Variants in ARFGAP2 observed in about 807,000 individuals in gnomAD.
ARFGAP2 encodes ADP-ribosylation factor GTPase-activating protein 2.
ARFGAP2 carries 45 observed loss-of-function variants against 71.9 expected under a neutral mutation model. The observed-to-expected ratio is 0.63, with a 90% CI of 0.49 to 0.80. The LOEUF (loss-of-function observed/expected upper bound fraction) is 0.80. ARFGAP2 is among the 30% of genes least tolerant of loss of function. The pLI, the probability that ARFGAP2 is intolerant of heterozygous loss-of-function variation, is 0.00. For synonymous variants in ARFGAP2, 248 were observed against 249.2 expected (o/e 1.00, Z 0.05); for missense variants, 633 against 673.9 (o/e 0.94, Z 0.67).
At chr11:47,171,391 G>C (rs770336255) in intron 10 of ARFGAP2, 35 bp downstream of exon 10, 2 of 1,610,794 alleles carry the variant, frequency 1.2e-6, no homozygotes, top group Non-Finnish European at 8.5e-7. Flanking sequence ...AGAAAACAAC[G>C]GCATTTCCCT....
Position 47,165,479 on chromosome 11 carries a change from G to C in ARFGAP2, c.*3C>G. On this transcript the variant is annotated 3_prime_UTR_variant, in exon 16 of 16. Coordinates refer to ENST00000524782, the MANE Select transcript of ARFGAP2 (RefSeq NM_032389.6). The stretch of plus-strand genomic sequence containing the variant: ...ATCGTAAGCCTGAGTCACAGAGCTC[G>C]GATCAGTAGGAACCGTAGCGATCCT... 6.4e-7 allele frequency: 1 copy of C among 1,572,626 alleles called. No homozygotes were observed. Among genetic ancestry groups the C allele is most frequent in the Non-Finnish European group, 8.6e-7 (1 of 1,158,718 alleles).
Position 47,164,872 on chromosome 11 carries a change from T to C in ARFGAP2, c.*610A>G, listed in dbSNP as rs927646254. 3.9e-5 allele frequency: 6 copies of C among 152,438 alleles called. No individual in the cohort carries two copies. Among genetic ancestry groups the C allele is most frequent in the African/African-American group, 1.4e-4 (6 of 41,444 alleles). 9.4% of individuals were successfully genotyped at this position (152,438 alleles called of 1,614,324 possible). On this transcript the variant is annotated 3_prime_UTR_variant, in exon 16 of 16. Transcript: ENST00000524782. The stretch of plus-strand genomic sequence containing the variant: ...GAGAACCCAAGGGTCTCCGGTCTGA[T>C]CCCAAATGAAACCTTTAGGTACCAG...
chr11:47,167,984 G>T lies in ARFGAP2; in HGVS notation c.1130C>A (p.Ala377Asp). The T allele has an allele frequency of 1.2e-6, 2 of 1,614,140 alleles. No homozygotes were observed. The highest frequency in any genetic ancestry group is 1.7e-6 in the Non-Finnish European group (2 of 1,180,012). ...ESFGSRWDTD[A>D]AWGMDRVEEK... is the part of the protein sequence containing the mutation. ...CTCTACCCTGTCCATACCCCAGGCA[G>T]CATCTGTATCCCAGCGGGAGCCAAA... The change falls in exon 12 of 16, where the codon GCT (alanine) becomes GAT (aspartate). Residue 377 changes from alanine to aspartate, a missense_variant. Coordinates refer to ENST00000524782, the MANE Select transcript of ARFGAP2 (RefSeq NM_032389.6).
intron 5 of ARFGAP2, chr11:47,174,048 T>C: frequency 1.1e-6 from 1 of 895,012 alleles, no homozygotes; most frequent in Non-Finnish European, 1.7e-6. Flanking sequence ...CTTCACTATT[T>C]ACTTAGAGCC....
intron 7 of ARFGAP2, chr11:47,172,877 G>T: frequency 1.1e-6 from 1 of 893,096 alleles, no homozygotes; most frequent in Non-Finnish European, 1.6e-6. Flanking sequence ...TCATGGATCA[G>T]TCTGACAGTC....
At position 47,173,215 on chromosome 11, in the gene ARFGAP2, C is replaced by G. The variant is rs972739794; in HGVS notation, c.619+211G>C. On this transcript the variant is annotated intron_variant, in intron 7 of 15. Transcript: ENST00000524782. ...GAGGCAGACCCCAGGCCTTATACACCAGCCCACCCAGATTCATCAATTCAA... is the reference window on the plus strand; with the variant it reads ...GAGGCAGACCCCAGGCCTTATACACGAGCCCACCCAGATTCATCAATTCAA... 4.7e-6 allele frequency: 3 copies of G among 635,716 alleles called. No homozygotes were observed. The African/African-American group carries it at 5.5e-5, about 12-fold the overall frequency. The allele number at this position is 635,716 out of a possible 1,614,324, so 39.4% of individuals were successfully genotyped here.
chr11:47,166,270 G>C lies in ARFGAP2; in HGVS notation c.1543C>G (p.Gln515Glu), dbSNP rs748251170. 26 of 1,613,988 alleles carry C rather than the reference G, an allele frequency of 1.6e-5. No homozygotes were observed. The highest frequency in any genetic ancestry group is 1.7e-6 in the Non-Finnish European group (2 of 1,180,004). The change falls in exon 15 of 16, where the codon CAG becomes GAG. Residue 515 changes from glutamine (Q) to glutamate (E), a missense_variant and splice_region_variant. Gln to Glu is a conservative substitution (Grantham distance 29). Coordinates refer to ENST00000524782, the MANE Select transcript of ARFGAP2 (RefSeq NM_032389.6). Reference sequence around the variant, plus strand: ...ATTAGGCCCCACTTCAGCCTCACCTGCAAGGAATTCATCACACCATTGGCC... The same window carrying C: ...ATTAGGCCCCACTTCAGCCTCACCTCCAAGGAATTCATCACACCATTGGCC... ...VLANGVMNSL[Q>E]DRYGSY
Position 47,166,744 on chromosome 11 carries a change from A to C in ARFGAP2, c.1332+16T>G. ...TGCCTGCTGCCTCGGACCTCAGGGC[A>C]GACAGCCCCACTTACCTCTGCATCC... On this transcript the variant is annotated intron_variant, in intron 13 of 15. Transcript: ENST00000524782. 1 of 1,611,604 alleles carries C rather than the reference A, an allele frequency of 6.2e-7. No individual in the cohort carries two copies. Among genetic ancestry groups the C allele is most frequent in the Non-Finnish European group, 8.5e-7 (1 of 1,178,662 alleles).
Position 47,176,775 on chromosome 11 carries a change from C to G in ARFGAP2, c.72+7G>C. ...CGAGAGACTCCGCGCGCCCCCTGCT[C>G]ACGCACCTTGTTGGTTGGAACTGCG... On this transcript the variant is annotated splice_region_variant and intron_variant, in intron 1 of 15. Transcript: ENST00000524782. The G allele has an allele frequency of 1.2e-6, 2 of 1,614,172 alleles. No homozygotes were observed. The highest frequency in any genetic ancestry group is 1.7e-6 in the Non-Finnish European group (2 of 1,180,038).
At chr11:47,170,882 G>A (rs1209831077) in intron 10 of ARFGAP2, among the ~76,000 whole-genome samples, 2 of 152,008 alleles carry the variant, frequency 1.3e-5, no homozygotes, top group Non-Finnish European at 1.5e-5. Context: ...GGAGGCAGAG[G>A]TTGCAGTGAG....
chr11:47,172,856 T>C (rs1952656866), intron 7 of ARFGAP2: 2 of 1,085,804 alleles, frequency 1.8e-6, no homozygotes, highest in Admixed American at 2.5e-5. Context: ...GACCAAGCTA[T>C]GCCAGCCTTC....
intron 7 of ARFGAP2, chr11:47,172,901 C>T (rs1565129574): frequency 3.4e-5 from 23 of 685,858 alleles, no homozygotes; most frequent in Non-Finnish European, 4.9e-5. Context: ...CTGCTGGGTT[C>T]CAGCCCCAAC....
chr11:47,169,309 G>A (rs61897844), intron 10 of ARFGAP2: 36,166 of 151,284 alleles, frequency 0.24, 5,143 homozygotes, highest in East Asian at 0.65. Flanking sequence ...GCGAGGCTCC[G>A]TCTCAGAGAG....
In ARFGAP2 at chr11:47,171,729, AGCCT is replaced by A; in HGVS notation, c.740_743del (p.Gln247LeufsTer79). The A allele has an allele frequency of 6.2e-7, 1 of 1,613,958 alleles. No homozygotes were observed. The highest frequency in any genetic ancestry group is 8.5e-7 in the Non-Finnish European group (1 of 1,180,034). On this transcript the variant is annotated frameshift_variant, in exon 9 of 16. Transcript: ENST00000524782. LOFTEE classifies it high-confidence loss of function. Reference sequence around the variant, plus strand: ...GCTCACGGAGCTTCTCTGCCACCTGAGCCTGCCGCTCAATCTCACTGAAGCTCTG... The same window carrying A: ...GCTCACGGAGCTTCTCTGCCACCTGAGCCGCTCAATCTCACTGAAGCTCTG...
At position 47,176,626 on chromosome 11, in the gene ARFGAP2, G is replaced by C. The variant is rs758556816; in HGVS notation, c.81C>G (p.Phe27Leu). Residue 27 changes from phenylalanine to leucine, a missense_variant, in exon 2 of 16, where the codon TTC becomes TTG. Physicochemically the swap from Phe to Leu is conservative, Grantham distance 22. Coordinates refer to ENST00000524782, the MANE Select transcript of ARFGAP2 (RefSeq NM_032389.6). ...LRAVPTNKACFDCGAKNPSWA... is the reference protein window; with the variant it reads ...LRAVPTNKACLDCGAKNPSWA... ...AACTCGGATTCTTGGCGCCGCAGTC[G>C]AAACAGGCCTGGGTGGAGGCGGCGA... The C allele has an allele frequency of 1.2e-6, 2 of 1,614,104 alleles. No homozygotes were observed. Among genetic ancestry groups the C allele is most frequent in the Non-Finnish European group, 1.7e-6 (2 of 1,180,036 alleles).
intron 10 of ARFGAP2, 127 bp downstream of exon 10, chr11:47,171,299 A>G: frequency 2.1e-6 from 3 of 1,460,664 alleles, no homozygotes; most frequent in South Asian, 1.4e-5. Flanking sequence ...CTTTAGAACA[A>G]TAAGCCAAGT....
intron 12 of ARFGAP2, among the ~76,000 whole-genome samples, chr11:47,167,101 G>T (rs1952416485): frequency 6.6e-6 from 1 of 152,192 alleles, no homozygotes; most frequent in African/African-American, 2.4e-5. Flanking sequence ...ACCTGCACTA[G>T]GCAGGGTGGA....
In ARFGAP2 at chr11:47,166,873, T is replaced by G. The variant is rs752154949; in HGVS notation, c.1219A>C (p.Arg407=). 6.2e-7 allele frequency: 1 copy of G among 1,613,622 alleles called. No homozygotes were observed. The highest frequency in any genetic ancestry group is 8.5e-7 in the Non-Finnish European group (1 of 1,179,952). The change falls in exon 13 of 16, where the codon AGG becomes CGG. Residue 407 remains arginine (R), a synonymous_variant. Coordinates refer to ENST00000524782, the MANE Select transcript of ARFGAP2 (RefSeq NM_032389.6). ...CCTGAGCTCCGGCTCTCCACTTCCCTCCGGTTTGTGGCTCTGAGGGGAAGA... is the reference window on the plus strand; with the variant it reads ...CCTGAGCTCCGGCTCTCCACTTCCCGCCGGTTTGTGGCTCTGAGGGGAAGA... ...RPISERATNR[R]EVESRSSGLE... is the part of the protein sequence containing the mutation.
chr11:47,166,214 G>C (rs1952369204), intron 15 of ARFGAP2, 54 bp downstream of exon 15: 2 of 1,564,716 alleles, frequency 1.3e-6, no homozygotes, highest in Non-Finnish European at 1.8e-6. Flanking sequence ...TCTCTATGTG[G>C]TGGCGAAGGG....
Sources: allele counts gnomAD v4.1 joint callset (sites outside exome capture counted in the v4.1 genomes callset), GRCh38; gene constraint gnomAD v4.1.1; transcripts MANE v1.5; gene names NCBI Gene and HGNC (gene_info 2026-07-23, HGNC 2026-07-21).